DLG2: variants seen among roughly 807,000 people sequenced by gnomAD.
The protein encoded by DLG2 is disks large homolog 2.
In DLG2, 45 loss-of-function variants were observed where a neutral mutation model predicts 132.5. The ratio of observed to expected loss-of-function variants is 0.34; its 90% CI spans 0.27 to 0.44. The LOEUF is 0.44. Among genes scored for constraint, DLG2 ranks in the 20% least tolerant of loss-of-function variants. The pLI, the probability that DLG2 is intolerant of heterozygous loss-of-function variation, is 1.00. For missense variants in DLG2, 1,045 were observed against 1,196.9 expected, an observed-to-expected ratio of 0.87 and a Z score of 1.87; for synonymous variants, 424 against 419.6, an observed-to-expected ratio of 1.01 and a Z score of -0.13.
intron 3 of DLG2, among the ~76,000 whole-genome samples, chr11:85,455,935 G>A (rs1336272945): frequency 2.0e-5 from 3 of 152,010 alleles, no homozygotes; most frequent in Non-Finnish European, 4.4e-5. Flanking sequence ...ATTTTGTTGA[G>A]GATTTTTGCA....
At chr11:83,711,680 G>A (rs369430777) in intron 18 of DLG2, among the ~76,000 whole-genome samples, 1 of 152,128 alleles carries the variant, frequency 6.6e-6, no homozygotes, top group Non-Finnish European at 1.5e-5. Flanking sequence ...GGGTCACTGT[G>A]CAAGTATCAT....
intron 6 of DLG2, among the ~76,000 whole-genome samples, chr11:84,756,087 G>A (rs982272215): frequency 2.6e-5 from 4 of 152,056 alleles, no homozygotes; most frequent in African/African-American, 4.8e-5. Context: ...GGGGATATGC[G>A]AGACTATTTC....
At chr11:85,442,971 C>A (rs2091855665) in intron 3 of DLG2, among the ~76,000 whole-genome samples, 1 of 151,986 alleles carries the variant, frequency 6.6e-6, no homozygotes, top group East Asian at 1.9e-4. Flanking sequence ...TCTTTTTGAA[C>A]AAGTTAAGTT....
chr11:84,307,853 G>C (rs1335725872), intron 7 of DLG2, among the ~76,000 whole-genome samples: 2 of 152,006 alleles, frequency 1.3e-5, no homozygotes, highest in African/African-American at 4.8e-5. Flanking sequence ...CAGGAGTGAA[G>C]CTGCGGACCT....
intron 4 of DLG2, among the ~76,000 whole-genome samples, chr11:85,213,666 A>G (rs1371022321): frequency 4.6e-5 from 7 of 152,146 alleles, no homozygotes; most frequent in African/African-American, 1.7e-4. Flanking sequence ...AATGCTGGTC[A>G]GCTGTGAGGC....
At position 83,465,806 on chromosome 11, in the gene DLG2, A is replaced by C. The variant is rs113326872; in HGVS notation, c.2729+902T>G. 1.4e-3 allele frequency among the ~76,000 whole-genome samples: 207 copies of C among 152,322 alleles called. 3 individuals carry two copies. Among genetic ancestry groups the C allele is most frequent in the African/African-American group, 4.9e-3 (202 of 41,578 alleles). On this transcript the variant is annotated intron_variant, in intron 26 of 27. Coordinates refer to ENST00000376104, the MANE Select transcript of DLG2 (RefSeq NM_001142699.3). The stretch of plus-strand genomic sequence containing the variant: ...TTCGAGGTGAGGAGCTAAATCTTAG[A>C]AAGGTCAAGCAATTTGCCCAAGGTT...
intron 19 of DLG2, among the ~76,000 whole-genome samples, chr11:83,591,845 A>G (rs994327324): frequency 1.3e-5 from 2 of 149,904 alleles, no homozygotes; most frequent in Admixed American, 1.3e-4. Context: ...TTATACACCA[A>G]TAACAGACAA....
rs148350398 is a variant in DLG2 at position 85,031,837 on chromosome 11, G to A, written c.357+79824C>T. ...ACTTGCTTTGTCACCTGAGTGGAGT[G>A]CAGTAGCAGTATCTTGGCTCACTGA... On this transcript the variant is annotated intron_variant, in intron 6 of 27. Transcript: ENST00000376104. Among the ~76,000 whole-genome samples the A allele has an allele frequency of 1.9e-3, 289 of 151,830 alleles. 3 individuals are homozygous for A. The highest frequency in any genetic ancestry group is 0.01 in the Middle Eastern group (3 of 290).
intron 15 of DLG2, among the ~76,000 whole-genome samples, chr11:83,911,214 G>A (rs1335744615): frequency 1.3e-5 from 2 of 152,098 alleles, no homozygotes; most frequent in Non-Finnish European, 2.9e-5. Flanking sequence ...GAGGCAGAGA[G>A]AGGAAGGAAC....
chr11:83,908,043 T>G (rs12363647), intron 15 of DLG2, among the ~76,000 whole-genome samples: 12,722 of 152,222 alleles, frequency 0.084, 709 homozygotes, highest in Admixed American at 0.14. Context: ...GTTTCTAAAG[T>G]GCAATTCAAG....
chr11:85,622,869 C>T (rs2153276914), intron 2 of DLG2, among the ~76,000 whole-genome samples: 1 of 152,178 alleles, frequency 6.6e-6, no homozygotes, highest in African/African-American at 2.4e-5. Flanking sequence ...ATCAGCCTGG[C>T]CAACATGGTG....
chr11:84,715,360 C>G (rs2061096834), intron 6 of DLG2, among the ~76,000 whole-genome samples: 1 of 152,032 alleles, frequency 6.6e-6, no homozygotes, highest in Non-Finnish European at 1.5e-5. Context: ...CTGTGTTACA[C>G]TCTGTGTGTG....
At chr11:85,415,355 A>T (rs2089734786) in intron 3 of DLG2, among the ~76,000 whole-genome samples, 1 of 152,180 alleles carries the variant, frequency 6.6e-6, no homozygotes, top group Admixed American at 6.6e-5. Flanking sequence ...AATGATTTCT[A>T]ATTCTTTGGG....
chr11:85,205,452 A>G (rs1281762468), intron 4 of DLG2, among the ~76,000 whole-genome samples: 1 of 152,096 alleles, frequency 6.6e-6, no homozygotes, highest in Admixed American at 6.6e-5. Context: ...AATAGAAGAA[A>G]AAAGTTACAG....
chr11:85,039,875 G>C (rs2061708646), intron 6 of DLG2, among the ~76,000 whole-genome samples: 1 of 151,868 alleles, frequency 6.6e-6, no homozygotes, highest in Middle Eastern at 3.4e-3. Context: ...TTGAATGAAT[G>C]AATTTCCATA....
At chr11:85,304,841 A>T (rs1398143162) in intron 3 of DLG2, among the ~76,000 whole-genome samples, 2 of 152,138 alleles carry the variant, frequency 1.3e-5, no homozygotes, top group East Asian at 1.9e-4. Context: ...AATGGAAATG[A>T]TTTGTCTGCT....
intron 6 of DLG2, among the ~76,000 whole-genome samples, chr11:84,734,849 G>C (rs1316768230): frequency 6.6e-6 from 1 of 152,222 alleles, no homozygotes; most frequent in African/African-American, 2.4e-5. Flanking sequence ...TAGCATGAAG[G>C]GCTGTTGAAT....
chr11:83,993,680 T>C (rs924691862), intron 11 of DLG2, among the ~76,000 whole-genome samples: 7 of 152,160 alleles, frequency 4.6e-5, no homozygotes, highest in African/African-American at 1.7e-4. Flanking sequence ...GCTTCCATCA[T>C]TAAAATATAA....
chr11:84,173,781 C>G (rs2095875160), intron 8 of DLG2, among the ~76,000 whole-genome samples: 1 of 152,042 alleles, frequency 6.6e-6, no homozygotes, highest in Non-Finnish European at 1.5e-5. Flanking sequence ...ATGATCTTTC[C>G]CAGTCTTCAT....
Sources: gnomAD v4.1 joint callset for allele counts (sites outside exome capture counted in the v4.1 genomes callset) on GRCh38, gnomAD v4.1.1 for gene constraint, MANE v1.5 for transcripts, NCBI Gene and HGNC (gene_info 2026-07-23, HGNC 2026-07-21) for gene names.